Variants in LTBP1 observed in about 807,000 individuals in gnomAD.
The protein encoded by LTBP1 is latent transforming growth factor beta binding protein 1.
Under a neutral mutation model 207.6 loss-of-function variants are expected in LTBP1, and 129 were observed. The ratio of observed to expected loss-of-function variants is 0.62; its 90% CI spans 0.54 to 0.72. LTBP1 has a LOEUF of 0.72. LTBP1 is among the 30% of genes least tolerant of loss of function. The pLI, the probability that LTBP1 is intolerant of heterozygous loss-of-function variation, is 0.00. For missense variants in LTBP1, 2,281 were observed against 2,217.2 expected (o/e 1.03, Z -0.58); for synonymous variants, 963 against 833.7 (o/e 1.16, Z -2.67).
chr2:33,212,041 G>C (rs540551798), intron 7 of LTBP1, among the ~76,000 whole-genome samples: 1 of 152,230 alleles, frequency 6.6e-6, no homozygotes, highest in Non-Finnish European at 1.5e-5. Flanking sequence ...TTGATGACTA[G>C]CTTCAAAATT....
chr2:33,071,520 G>A (rs975236051), intron 3 of LTBP1, among the ~76,000 whole-genome samples: 3 of 152,170 alleles, frequency 2.0e-5, no homozygotes, highest in African/African-American at 4.8e-5. Flanking sequence ...GCATCTAGGA[G>A]GTGGCTGCAG....
chr2:33,353,673 G>T (rs1334035659), intron 26 of LTBP1, among the ~76,000 whole-genome samples: 2 of 152,094 alleles, frequency 1.3e-5, no homozygotes, highest in African/African-American at 4.8e-5. Flanking sequence ...ACACTTCCGT[G>T]TAGGAAGTGC....
rs568739778 is a variant in LTBP1 at position 33,055,094 on chromosome 2, C to T, written c.863+33888C>T. 8.4e-4 allele frequency among the ~76,000 whole-genome samples: 128 copies of T among 152,308 alleles called. 1 individual carries two copies. The highest frequency in any genetic ancestry group is 3.4e-4 in the Non-Finnish European group (23 of 68,036). On this transcript the variant is annotated intron_variant, in intron 3 of 33. Coordinates refer to ENST00000404816, the MANE Select transcript of LTBP1 (RefSeq NM_206943.4). ...CCATGACTAAGGCTGCAGCCTTTCT[C>T]TGATCTCGCTTTTCCTTTTGGGCCT...
intron 3 of LTBP1, among the ~76,000 whole-genome samples, chr2:33,108,124 A>G (rs1259742071): frequency 3.9e-5 from 6 of 152,206 alleles, no homozygotes. Flanking sequence ...AAGAGAGTGT[A>G]GGATAGTGAT....
At chr2:33,122,658 G>T (rs987217238) in intron 4 of LTBP1, among the ~76,000 whole-genome samples, 3 of 152,242 alleles carry the variant, frequency 2.0e-5, no homozygotes, top group African/African-American at 7.2e-5. Flanking sequence ...CCACGTTAAT[G>T]TTGGGTACAA....
chr2:33,262,056 G>A (rs544965458), intron 13 of LTBP1, among the ~76,000 whole-genome samples: 7 of 152,254 alleles, frequency 4.6e-5, no homozygotes, highest in South Asian at 2.1e-4. Context: ...GCTGAGCCAC[G>A]GATGATGGAC....
At position 33,186,985 on chromosome 2, in the gene LTBP1, A is replaced by G; in HGVS notation, c.1331A>G (p.Gln444Arg). ...GGTGCCAGCGTGCCTAAACTTTATC[A>G]GCATTCCCAGCAGCCAGGCAAGGCG... Reference protein sequence around the residue: ...VHGASVPKLYQHSQQPGKALG... With the variant: ...VHGASVPKLYRHSQQPGKALG... The change falls in exon 6 of 34, where the codon CAG becomes CGG. Residue 444 changes from glutamine to arginine, a missense_variant. Gln to Arg is a conservative substitution (Grantham distance 43, BLOSUM62 1). This residue lies in a region of LTBP1 where 1,671 missense variants were observed against 1,634.8 expected (regional missense o/e 1.02). Coordinates refer to ENST00000404816, the MANE Select transcript of LTBP1 (RefSeq NM_206943.4). 1 of 1,614,238 alleles carries G rather than the reference A, an allele frequency of 6.2e-7. No homozygotes were observed. The highest frequency in any genetic ancestry group is 8.5e-7 in the Non-Finnish European group (1 of 1,180,038).
At chr2:33,366,558 A>G (rs1459555934) in intron 31 of LTBP1, among the ~76,000 whole-genome samples, 1 of 152,270 alleles carries the variant, frequency 6.6e-6, no homozygotes, top group East Asian at 1.9e-4. Context: ...CTAGATGGCA[A>G]TGATAGCAGC....
chr2:33,161,146 G>T (rs1298738866), intron 5 of LTBP1, among the ~76,000 whole-genome samples: 1 of 152,016 alleles, frequency 6.6e-6, no homozygotes, highest in Non-Finnish European at 1.5e-5. Context: ...GTCATTCACA[G>T]GATGGCTATA....
At chr2:33,060,155 A>G (rs1478649001) in intron 3 of LTBP1, among the ~76,000 whole-genome samples, 1 of 148,556 alleles carries the variant, frequency 6.7e-6, no homozygotes, top group Non-Finnish European at 1.5e-5. Context: ...CTACTGTTCA[A>G]GTGCTAAAAC....
chr2:33,044,818 G>A (rs1176342246), intron 3 of LTBP1, among the ~76,000 whole-genome samples: 1 of 152,146 alleles, frequency 6.6e-6, no homozygotes, highest in Non-Finnish European at 1.5e-5. Flanking sequence ...ACTGGGATGA[G>A]ATGGTATCTC....
At chr2:33,155,053 A>C (rs1438722560) in intron 5 of LTBP1, among the ~76,000 whole-genome samples, 1 of 152,070 alleles carries the variant, frequency 6.6e-6, no homozygotes, top group Admixed American at 6.6e-5. Flanking sequence ...ACAGAGTGAG[A>C]CTCCATCTCA....
rs1225820088 is a variant in LTBP1 at position 33,277,781 on chromosome 2, CTTTCTTTCTTTCTT to C, written c.2992+1860_2992+1873del. Among the ~76,000 whole-genome samples the C allele has an allele frequency of 8.7e-4, 91 of 105,154 alleles. 1 individual carries two copies. The highest frequency in any genetic ancestry group is 3.5e-3 in the African/African-American group (82 of 23,292). The allele number at this position is 105,154 out of a possible 152,430, so 69.0% of individuals were successfully genotyped here. A position where few individuals can be genotyped will look rare whatever the true frequency, so the allele number is the denominator to read the frequency against. ...TTTCCCTTTCTTTCTTTCTTTCTTT[CTTTCTTTCTTTCTT>C]TCTCTCTCTCTTTCTTTTTTTCTTT... is the stretch of plus-strand genomic sequence containing the variant. On this transcript the variant is annotated intron_variant, in intron 18 of 33. Transcript: ENST00000404816.
intron 3 of LTBP1, chr2:33,056,407 C>T (rs920069029): frequency 3.5e-5 from 40 of 1,150,636 alleles, no homozygotes; most frequent in Admixed American, 5.6e-5. Flanking sequence ...AAAATGCCGC[C>T]CTGGGCGATG....
At chr2:33,173,937 C>T (rs1215681262) in intron 5 of LTBP1, among the ~76,000 whole-genome samples, 2 of 143,186 alleles carry the variant, frequency 1.4e-5, no homozygotes, top group African/African-American at 5.0e-5. Flanking sequence ...CAGAAAAGAC[C>T]TTTGACAAAA....
chr2:33,294,809 C>G (rs1390742654), intron 20 of LTBP1, among the ~76,000 whole-genome samples: 2 of 151,242 alleles, frequency 1.3e-5, no homozygotes, highest in Admixed American at 6.6e-5. Flanking sequence ...GAACTCCTGA[C>G]CTTTTGATCC....
intron 5 of LTBP1, among the ~76,000 whole-genome samples, chr2:33,181,115 G>A (rs1212643278): frequency 2.6e-5 from 4 of 152,200 alleles, no homozygotes; most frequent in African/African-American, 9.7e-5. Context: ...AAGCCAGGGA[G>A]CGGGTGGAGT....
At chr2:32,971,527 C>T (rs1212814144) in intron 2 of LTBP1, among the ~76,000 whole-genome samples, 2 of 151,974 alleles carry the variant, frequency 1.3e-5, no homozygotes, top group South Asian at 2.1e-4. Context: ...TATCAAAAGC[C>T]TTTTCTGCAT....
chr2:33,276,298 A>G (rs1312891412), intron 18 of LTBP1, among the ~76,000 whole-genome samples: 1 of 152,096 alleles, frequency 6.6e-6, no homozygotes, highest in Non-Finnish European at 1.5e-5. Flanking sequence ...CTTTTCACCT[A>G]CTTACATTCC....
Sources: gnomAD v4.1 joint callset for allele counts (sites outside exome capture counted in the v4.1 genomes callset) on GRCh38, gnomAD v4.1.1 for gene constraint, gnomAD v4.1.1 regional missense constraint, MANE v1.5 for transcripts, NCBI Gene and HGNC (gene_info 2026-07-23, HGNC 2026-07-21) for gene names.